The following KDR variants were observed in gnomAD, a reference collection of about 807,000 sequenced individuals.
The protein encoded by KDR is vascular endothelial growth factor receptor 2.
In KDR, 43 loss-of-function variants were observed where a neutral mutation model predicts 160.9. The observed-to-expected ratio is 0.27, with a 90% CI of 0.21 to 0.34. The LOEUF (loss-of-function observed/expected upper bound fraction) is 0.34. Ranked by LOEUF, KDR falls within the 10% of genes least tolerant of loss-of-function variation. KDR has a pLI of 1.00. For synonymous variants in KDR, 617 were observed against 600.1 expected, an observed-to-expected ratio of 1.03 and a Z score of -0.41; for missense variants, 1,469 against 1,666.4, an observed-to-expected ratio of 0.88 and a Z score of 2.06.
intron 29 of KDR, among the ~76,000 whole-genome samples, chr4:55,081,108 A>AT (rs1719725808): frequency 6.6e-6 from 1 of 152,236 alleles, no homozygotes. Flanking sequence ...GAAACATATC[A>AT]TTGACTTTCA....
chr4:55,102,796 C>T (rs1472666092), intron 13 of KDR, among the ~76,000 whole-genome samples: 1 of 152,144 alleles, frequency 6.6e-6, no homozygotes, highest in African/African-American at 2.4e-5. Flanking sequence ...TAATTAGACA[C>T]AGCCTCCCCA....
intron 17 of KDR, 76 bp downstream of exon 17, chr4:55,098,061 C>A: frequency 1.3e-6 from 2 of 1,546,996 alleles, no homozygotes; most frequent in South Asian, 2.2e-5. Context: ...GAATACACCA[C>A]ATTTGTCATC....
chr4:55,104,549 C>T, intron 13 of KDR, 94 bp downstream of exon 13: 2 of 959,760 alleles, frequency 2.1e-6, no homozygotes, highest in Non-Finnish European at 3.3e-6. Context: ...ACATAATCTC[C>T]TAGAGGACAG....
intron 7 of KDR, among the ~76,000 whole-genome samples, chr4:55,111,524 C>A (rs1466188597): frequency 6.6e-6 from 1 of 152,162 alleles, no homozygotes; most frequent in Non-Finnish European, 1.5e-5. Flanking sequence ...ACTACCTCCA[C>A]CTCAACTACC....
rs1414415639 is a variant in KDR, at chr4:55,107,749, G to T, written c.1400C>A (p.Ala467Asp). ...HWYWQLEEEC[A>D]NEPSQAVSVT... Reference sequence around the variant, plus strand: ...TGGCCTTACTCACCTGGGCTCGTTGGCGCACTCTTCCTCCAACTGCCAATA... The same window carrying T: ...TGGCCTTACTCACCTGGGCTCGTTGTCGCACTCTTCCTCCAACTGCCAATA... Residue 467 changes from alanine (A) to aspartate (D), a missense_variant, in exon 10 of 30, where the codon GCC becomes GAC. By Grantham distance (126) the Ala-to-Asp change is moderately radical. This residue lies in a region of KDR where 792 missense variants were observed against 840.9 expected (regional missense o/e 0.94). Coordinates refer to ENST00000263923, the MANE Select transcript of KDR (RefSeq NM_002253.4). 4 of 1,613,802 alleles carry T rather than the reference G, an allele frequency of 2.5e-6. No individual in the cohort carries two copies. In the Admixed American group the frequency reaches 6.7e-5, roughly 27 times the overall value.
At chr4:55,104,199 CAG>C (rs1316274838) in intron 13 of KDR, among the ~76,000 whole-genome samples, 4 of 152,272 alleles carry the variant, frequency 2.6e-5, no homozygotes, top group African/African-American at 4.8e-5. Context: ...GGGAGCAAAA[CAG>C]AGAACAATTC....
At position 55,113,466 on chromosome 4, in the gene KDR, G is replaced by A. The variant is rs757407936; in HGVS notation, c.814C>T (p.Leu272Phe). 2 of 1,613,838 alleles carry A rather than the reference G, an allele frequency of 1.2e-6. No individual in the cohort carries two copies. Among genetic ancestry groups the A allele is most frequent in the Non-Finnish European group, 1.7e-6 (2 of 1,179,860 alleles). The change falls in exon 7 of 30, where the codon CTT (leucine) becomes TTT (phenylalanine). Residue 272 changes from leucine to phenylalanine, a missense_variant. By Grantham distance (22) the Leu-to-Phe change is conservative (BLOSUM62 0). This residue lies in a region of KDR where 792 missense variants were observed against 840.9 expected (regional missense o/e 0.94). Coordinates refer to ENST00000263923, the MANE Select transcript of KDR (RefSeq NM_002253.4). Reference sequence around the variant, plus strand: ...TGGGTTTTTAGGTCTCGGTTTACAAGTTTCTTATGCTGATGCTGAAAAAAA... The same window carrying A: ...TGGGTTTTTAGGTCTCGGTTTACAAATTTCTTATGCTGATGCTGAAAAAAA... ...YPSSKHQHKK[L>F]VNRDLKTQSG...
chr4:55,081,918 C>T (rs1367264814), intron 29 of KDR, 38 bp downstream of exon 29: 3 of 1,417,564 alleles, frequency 2.1e-6, no homozygotes, highest in African/African-American at 1.4e-5. Context: ...CCAAAAATTC[C>T]TATTGAAATT....
chr4:55,109,765 G>T (rs186218289), intron 9 of KDR, among the ~76,000 whole-genome samples: 11 of 152,134 alleles, frequency 7.2e-5, no homozygotes, highest in Admixed American at 7.2e-4. Flanking sequence ...CTTGACCATG[G>T]CACCCTTCTC....
At chr4:55,094,705 T>C in intron 21 of KDR, 97 bp downstream of exon 21, 1 of 1,130,198 alleles carries the variant, frequency 8.8e-7, no homozygotes, top group Non-Finnish European at 1.3e-6. Context: ...TGAGGTAGTA[T>C]TGGACTTTTC....
At chr4:55,093,800 G>A (rs903280229) in intron 21 of KDR, among the ~76,000 whole-genome samples, 2 of 152,086 alleles carry the variant, frequency 1.3e-5, no homozygotes, top group African/African-American at 2.4e-5. Flanking sequence ...CATCCACAAC[G>A]CTATCTCTGC....
chr4:55,116,462 T>C (rs1720739089), intron 3 of KDR, among the ~76,000 whole-genome samples: 1 of 149,578 alleles, frequency 6.7e-6, no homozygotes, highest in Admixed American at 6.6e-5. Context: ...CAAACATTAC[T>C]CATACAATGT....
Position 55,089,684 on chromosome 4 carries a change from G to T in KDR, c.3304+7C>A, listed in dbSNP as rs2110010868. On this transcript the variant is annotated splice_region_variant and intron_variant, in intron 24 of 29. Coordinates refer to ENST00000263923, the MANE Select transcript of KDR (RefSeq NM_002253.4). ...TCTGGATGGAAGGACAAAAAGAAAT[G>T]ACTTACCTAAGGAAAATATTTCCCA... 2 of 1,608,510 alleles carry T rather than the reference G, an allele frequency of 1.2e-6. No individual in the cohort carries two copies. Among genetic ancestry groups the T allele is most frequent in the South Asian group, 2.2e-5 (2 of 90,922 alleles).
chr4:55,125,127 C>G, intron 1 of KDR, 100 bp downstream of exon 1: 1 of 1,109,958 alleles, frequency 9.0e-7, no homozygotes, highest in Non-Finnish European at 1.3e-6. Flanking sequence ...AAGTCCTGTC[C>G]AACTCTCCAG....
intron 26 of KDR, among the ~76,000 whole-genome samples, chr4:55,088,087 A>T (rs1435757398): frequency 6.6e-6 from 1 of 152,166 alleles, no homozygotes; most frequent in African/African-American, 2.4e-5. Flanking sequence ...TCATTCACAA[A>T]GCCCTAACCA....
chr4:55,113,377 G>A lies in KDR; in HGVS notation c.903C>T (p.Asp301=), dbSNP rs749255838. Residue 301 remains aspartate (D), a synonymous_variant, in exon 7 of 30, where the codon GAC becomes GAT. Transcript: ENST00000263923. ...TLTIDGVTRS[D]QGLYTCAASS... ...ATGCTGCACAGGTGTACAATCCTTG[G>A]TCACTCCGGGTTACACCATCTATAG... The A allele has an allele frequency of 1.6e-5, 26 of 1,613,856 alleles. 1 individual carries two copies. The East Asian group carries it at 5.6e-4, about 35-fold the overall frequency.
intron 27 of KDR, among the ~76,000 whole-genome samples, chr4:55,083,410 T>C (rs1036554710): frequency 3.3e-5 from 5 of 152,108 alleles, no homozygotes; most frequent in Non-Finnish European, 7.4e-5. Flanking sequence ...ATGAATGACA[T>C]AGAGAATGTT....
At position 55,082,635 on chromosome 4, in the gene KDR, A is replaced by G. The variant is rs756332251; in HGVS notation, c.3663T>C (p.Ser1221=). The change falls in exon 28 of 30, where the codon AGT becomes AGC. Residue 1221 remains serine, a splice_region_variant and synonymous_variant. Coordinates refer to ENST00000263923, the MANE Select transcript of KDR (RefSeq NM_002253.4). ...TTCGCTTACTGTTCTGCAGATACTGACTGCAAAAGAACAAATATTTATATT... is the reference window on the plus strand; with the variant it reads ...TTCGCTTACTGTTCTGCAGATACTGGCTGCAAAAGAACAAATATTTATATT... ...KFHYDNTAGI[S]QYLQNSKRKS... is the part of the protein sequence containing the mutation. 2 of 1,609,352 alleles carry G rather than the reference A, an allele frequency of 1.2e-6. No individual in the cohort carries two copies. The highest frequency in any genetic ancestry group is 3.3e-5 in the Admixed American group (2 of 60,008).
intron 15 of KDR, among the ~76,000 whole-genome samples, chr4:55,100,128 C>T (rs1475087677): frequency 4.6e-5 from 7 of 152,144 alleles, no homozygotes; most frequent in Admixed American, 1.3e-4. Context: ...AGAATCAAAC[C>T]GGGCCACAAG....
Sources: allele counts gnomAD v4.1 joint callset (sites outside exome capture counted in the v4.1 genomes callset), GRCh38; gene constraint gnomAD v4.1.1; regional missense constraint gnomAD v4.1.1; transcripts MANE v1.5; gene names NCBI Gene and HGNC (gene_info 2026-07-23, HGNC 2026-07-21).